Variants in ADD3 observed in about 807,000 individuals in gnomAD.
The protein encoded by ADD3 is gamma-adducin.
ADD3 carries 25 observed loss-of-function variants against 80.2 expected under a neutral mutation model. The ratio of observed to expected loss-of-function variants is 0.31; its 90% confidence interval spans 0.23 to 0.44. The LOEUF (loss-of-function observed/expected upper bound fraction) is 0.44. ADD3 is among the 20% of genes least tolerant of loss of function. The pLI is 1.00. For missense variants in ADD3, 829 were observed against 847.5 expected (o/e 0.98, Z 0.27); for synonymous variants, 284 against 289.6 (o/e 0.98, Z 0.20).
chr10:110,079,453 AGAGAGAGAGTGTGTGTGTGTGTGT>A (rs1259626561), intron 1 of ADD3, among the ~76,000 whole-genome samples: 4 of 132,824 alleles, frequency 3.0e-5, no homozygotes, highest in Non-Finnish European at 4.7e-5. Flanking sequence ...AGAGAGAGAG[AGAGAGAGAGTGTGTGTGTGTGTGT>A]GTGTGTGTGT....
At chr10:110,071,940 T>C (rs367548059) in intron 1 of ADD3, among the ~76,000 whole-genome samples, 2 of 152,226 alleles carry the variant, frequency 1.3e-5, no homozygotes, top group Non-Finnish European at 2.9e-5. Context: ...ATTTCACTTA[T>C]CCCCAACCTT....
At chr10:110,004,491 A>G (rs2132868510), upstream of ADD3, among the ~76,000 whole-genome samples, 1 of 152,108 alleles carries the variant, frequency 6.6e-6, no homozygotes, top group South Asian at 2.1e-4. Context: ...TTGTATTTTT[A>G]GTAGAGACAG....
chr10:110,067,642 T>G (rs1417905106), intron 1 of ADD3, among the ~76,000 whole-genome samples: 1 of 152,232 alleles, frequency 6.6e-6, no homozygotes, highest in African/African-American at 2.4e-5. Context: ...AACCTTACAC[T>G]GATCCACATA....
intron 6 of ADD3, 133 bp downstream of exon 6, chr10:110,118,869 A>G: frequency 1.0e-6 from 1 of 956,588 alleles, no homozygotes; most frequent in Non-Finnish European, 1.5e-6. Flanking sequence ...CCAGAAAGCA[A>G]AAGGCCTTTG....
At chr10:110,063,737 T>TTTTATA (rs1491263798) in intron 1 of ADD3, among the ~76,000 whole-genome samples, 12 of 64,662 alleles carry the variant, frequency 1.9e-4, no homozygotes, top group African/African-American at 2.4e-4. Context: ...TATATATTCA[T>TTTTATA]TATATATATA....
At chr10:110,012,472 C>G (rs1852442869) in intron 1 of ADD3, among the ~76,000 whole-genome samples, 1 of 152,200 alleles carries the variant, frequency 6.6e-6, no homozygotes, top group African/African-American at 2.4e-5. Flanking sequence ...TTAACAATTC[C>G]TTTCAGGCTT....
chr10:110,060,558 C>T (rs926980391), intron 1 of ADD3, among the ~76,000 whole-genome samples: 3 of 152,178 alleles, frequency 2.0e-5, no homozygotes, highest in Non-Finnish European at 2.9e-5. Context: ...ACCATTCCAC[C>T]ATTTTATTCT....
intron 1 of ADD3, among the ~76,000 whole-genome samples, chr10:110,017,408 G>C (rs1853134396): frequency 6.6e-6 from 1 of 152,170 alleles, no homozygotes; most frequent in East Asian, 1.9e-4. Context: ...TTTTGTCTAT[G>C]TTAACTTTTG....
At chr10:110,055,203 A>C (rs1483953814) in intron 1 of ADD3, among the ~76,000 whole-genome samples, 2 of 152,234 alleles carry the variant, frequency 1.3e-5, no homozygotes, top group African/African-American at 4.8e-5. Context: ...GGTGTAGTCA[A>C]AATATTTTTT....
chr10:110,045,086 G>A (rs1158127062), intron 1 of ADD3, among the ~76,000 whole-genome samples: 4 of 152,296 alleles, frequency 2.6e-5, no homozygotes. Flanking sequence ...TGGGCGTGGT[G>A]GCTCATGCCT....
intron 1 of ADD3, among the ~76,000 whole-genome samples, chr10:110,055,194 G>T (rs1858027797): frequency 6.6e-6 from 1 of 152,234 alleles, no homozygotes; most frequent in African/African-American, 2.4e-5. Flanking sequence ...ATATGGGCAG[G>T]TGTAGTCAAA....
chr10:110,057,566 G>C (rs191823485), intron 1 of ADD3, among the ~76,000 whole-genome samples: 1 of 152,238 alleles, frequency 6.6e-6, no homozygotes, highest in Non-Finnish European at 1.5e-5. Flanking sequence ...CTGAGATTTT[G>C]ATTTAAATGG....
At chr10:109,998,721 C>T (rs998009364) in intron 1 of ADD3, among the ~76,000 whole-genome samples, 3 of 152,058 alleles carry the variant, frequency 2.0e-5, no homozygotes, top group African/African-American at 7.2e-5. Flanking sequence ...TTGTTCCTGC[C>T]TCATGACCTT....
chr10:110,049,731 C>G (rs1857283790), intron 1 of ADD3, among the ~76,000 whole-genome samples: 2 of 151,946 alleles, frequency 1.3e-5, no homozygotes, highest in African/African-American at 4.8e-5. Context: ...ACTAAAAATA[C>G]AAAAAATTAG....
chr10:110,125,967 C>A (rs1194964368), intron 11 of ADD3, 22 bp downstream of exon 11: 2 of 1,577,432 alleles, frequency 1.3e-6, no homozygotes, highest in African/African-American at 1.4e-5. Flanking sequence ...TCTTCTATAG[C>A]CAGGGGAGAC....
chr10:110,006,043 G>C (rs1339829889), upstream of ADD3: 1 of 228,196 alleles, frequency 4.4e-6, no homozygotes, highest in Non-Finnish European at 8.9e-6. Flanking sequence ...TTGGTCTGAG[G>C]CTGCAGTAGG....
At chr10:110,062,606 C>T (rs1012243662) in intron 1 of ADD3, among the ~76,000 whole-genome samples, 2 of 152,018 alleles carry the variant, frequency 1.3e-5, no homozygotes, top group Non-Finnish European at 2.9e-5. Context: ...TAATACAAAC[C>T]TACCTTTATA....
chr10:110,120,832 C>G (rs1277394320), intron 8 of ADD3, among the ~76,000 whole-genome samples: 4 of 152,160 alleles, frequency 2.6e-5, no homozygotes, highest in Admixed American at 2.6e-4. Context: ...ACGGAGCCCT[C>G]AGAAATAACG....
intron 12 of ADD3, among the ~76,000 whole-genome samples, chr10:110,128,049 A>ATTTTT (rs71486096): frequency 4.7e-5 from 5 of 105,988 alleles, no homozygotes; most frequent in South Asian, 3.2e-4. Flanking sequence ...TTTGTTTAGG[A>ATTTTT]TTTTTTTTTT....
Sources: gnomAD v4.1 joint callset for allele counts (sites outside exome capture counted in the v4.1 genomes callset) on GRCh38, gnomAD v4.1.1 for gene constraint, MANE v1.5 for transcripts, NCBI Gene and HGNC (gene_info 2026-07-23, HGNC 2026-07-21) for gene names.